The following RNF216 variants were observed in gnomAD, a reference collection of about 807,000 sequenced individuals.
RNF216 encodes the protein ring finger protein 216.
In RNF216, 72 loss-of-function variants were observed where a neutral mutation model predicts 110.8. The observed-to-expected ratio is 0.65, with a 90% CI of 0.54 to 0.79. The LOEUF (loss-of-function observed/expected upper bound fraction) is 0.79. Ranked by LOEUF, RNF216 falls within the 30% of genes least tolerant of loss-of-function variation. RNF216 has a pLI of 0.00. For missense variants in RNF216, 1,342 were observed against 1,141.2 expected (o/e 1.18, Z -2.54); for synonymous variants, 495 against 407.5 (o/e 1.21, Z -2.59).
intron 2 of RNF216, among the ~76,000 whole-genome samples, chr7:5,758,100 T>TC (rs1165715135): frequency 2.0e-5 from 3 of 152,150 alleles, no homozygotes; most frequent in Admixed American, 6.6e-5. Context: ...ACAAAATATA[T>TC]CTCCAAAGTC....
chr7:5,666,248 C>T lies in RNF216; in HGVS notation c.2062-13738G>A, dbSNP rs112902264. On this transcript the variant is annotated intron_variant, in intron 13 of 16. Transcript: ENST00000389902. ...GGTCCTGCTCTGCAGTGGGGACACACATTAAGTGTAATATACAGTTAAGAC... is the reference window on the plus strand; with the variant it reads ...GGTCCTGCTCTGCAGTGGGGACACATATTAAGTGTAATATACAGTTAAGAC... 5.9e-3 allele frequency among the ~76,000 whole-genome samples: 887 copies of T among 151,286 alleles called. 14 individuals are homozygous for T. Among genetic ancestry groups the T allele is most frequent in the African/African-American group, 0.02 (841 of 41,196 alleles).
intron 13 of RNF216, among the ~76,000 whole-genome samples, chr7:5,667,647 G>A (rs764138474): frequency 2.0e-5 from 3 of 152,190 alleles, no homozygotes; most frequent in Non-Finnish European, 4.4e-5. Flanking sequence ...CTCACTGCTT[G>A]GGCTACCTCT....
In RNF216 at chr7:5,738,087, C is replaced by CAAAAA. The variant is rs200643372; in HGVS notation, c.1121+1184_1121+1188dup. 5.6e-3 allele frequency among the ~76,000 whole-genome samples: 618 copies of CAAAAA among 110,794 alleles called. 9 individuals are homozygous for CAAAAA. Among genetic ancestry groups the CAAAAA allele is most frequent in the African/African-American group, 0.019 (490 of 25,132 alleles). The allele number at this position is 110,794 out of a possible 152,430, so 72.7% of individuals were successfully genotyped here. On this transcript the variant is annotated intron_variant, in intron 5 of 16. Coordinates refer to ENST00000389902, the MANE Select transcript of RNF216 (RefSeq NM_207111.4). ...CTGGGCAACAGAATAAGACTGTCTCCAAAAAAAAAAAAAAAAAAAAAAAAA... is the reference window on the plus strand; with the variant it reads ...CTGGGCAACAGAATAAGACTGTCTCCAAAAAAAAAAAAAAAAAAAAAAAAAAAAAA...
chr7:5,775,745 T>C (rs540283217), intron 1 of RNF216, among the ~76,000 whole-genome samples: 23 of 152,036 alleles, frequency 1.5e-4, no homozygotes, highest in Non-Finnish European at 2.8e-4. Flanking sequence ...TGCAGGCACC[T>C]GTAGTCCCAG....
intron 13 of RNF216, among the ~76,000 whole-genome samples, chr7:5,684,456 T>A (rs2128607908): frequency 6.6e-6 from 1 of 152,228 alleles, no homozygotes; most frequent in Admixed American, 6.5e-5. Context: ...CAAATGCTGA[T>A]CTTTAGGCTC....
chr7:5,672,401 T>C (rs1299383672), intron 13 of RNF216, among the ~76,000 whole-genome samples: 2 of 152,210 alleles, frequency 1.3e-5, no homozygotes, highest in East Asian at 1.9e-4. Context: ...TGGAGAGTTA[T>C]GTTTGTTAAA....
chr7:5,747,370 A>G (rs1795081997), intron 3 of RNF216, among the ~76,000 whole-genome samples: 1 of 152,208 alleles, frequency 6.6e-6, no homozygotes, highest in African/African-American at 2.4e-5. Flanking sequence ...GTAAAAACGG[A>G]TAAAAGCAGC....
chr7:5,649,366 C>CG (rs1181927524), intron 14 of RNF216, among the ~76,000 whole-genome samples: 1 of 144,202 alleles, frequency 6.9e-6, no homozygotes, highest in African/African-American at 2.7e-5. Context: ...AGGTGACAGA[C>CG]GGAGACTCCG....
At chr7:5,707,719 T>TGG (rs201103418) in intron 13 of RNF216, among the ~76,000 whole-genome samples, 1 of 41,660 alleles carries the variant, frequency 2.4e-5, no homozygotes, top group African/African-American at 1.5e-4. Context: ...GTGTGTGTGG[T>TGG]TTTTTTTTTT....
chr7:5,652,310 C>G (rs1788441985), intron 14 of RNF216, 103 bp downstream of exon 14: 3 of 821,656 alleles, frequency 3.7e-6, no homozygotes, highest in African/African-American at 1.7e-5. Flanking sequence ...ACTGGGGTGG[C>G]TCAAGCGTGT....
intron 9 of RNF216, among the ~76,000 whole-genome samples, chr7:5,717,020 C>T (rs1365695563): frequency 6.6e-6 from 1 of 152,120 alleles, no homozygotes; most frequent in African/African-American, 2.4e-5. Flanking sequence ...ACACTTTGAA[C>T]AGCAAAGAAT....
intron 1 of RNF216, among the ~76,000 whole-genome samples, chr7:5,765,068 TAA>T (rs528737623): frequency 7.0e-5 from 9 of 128,488 alleles, no homozygotes; most frequent in African/African-American, 8.8e-5. Flanking sequence ...AAGACTCTCT[TAA>T]AAAAAAAAAA....
At chr7:5,763,746 A>G (rs571061777) in intron 1 of RNF216, among the ~76,000 whole-genome samples, 2 of 152,092 alleles carry the variant, frequency 1.3e-5, no homozygotes, top group African/African-American at 2.4e-5. Flanking sequence ...AATTTTTAAA[A>G]TTTTTTTGTA....
intron 4 of RNF216, among the ~76,000 whole-genome samples, chr7:5,739,908 C>T (rs1794656871): frequency 6.6e-6 from 1 of 151,102 alleles, no homozygotes; most frequent in Admixed American, 6.6e-5. Context: ...GAGGCAGAGA[C>T]AGAAGAATCG....
Position 5,703,726 on chromosome 7 carries a change from C to T in RNF216, c.2061+8035G>A, listed in dbSNP as rs768444972. ...TTGCAGTTTCCACGAAAAGACTACA[C>T]CAGATGTTCTTCAGTTACTCTGATT... is the stretch of plus-strand genomic sequence containing the variant. On this transcript the variant is annotated intron_variant, in intron 13 of 16. Coordinates refer to ENST00000389902, the MANE Select transcript of RNF216 (RefSeq NM_207111.4). Among the ~76,000 whole-genome samples, 150 of 152,332 alleles carry T rather than the reference C, an allele frequency of 9.8e-4. 1 individual carries two copies. The highest frequency in any genetic ancestry group is 5.0e-3 in the Admixed American group (76 of 15,308).
chr7:5,675,081 A>C (rs1790192535), intron 13 of RNF216, among the ~76,000 whole-genome samples: 1 of 152,222 alleles, frequency 6.6e-6, no homozygotes, highest in African/African-American at 2.4e-5. Context: ...CTTCATATGT[A>C]ACTAAAGCAG....
At chr7:5,767,646 G>A (rs536579088) in intron 1 of RNF216, among the ~76,000 whole-genome samples, 1 of 151,272 alleles carries the variant, frequency 6.6e-6, no homozygotes, top group African/African-American at 2.4e-5. Context: ...TGCCACCCAG[G>A]CTGAAGTAAT....
chr7:5,667,172 G>A (rs1232186175), intron 13 of RNF216, among the ~76,000 whole-genome samples: 1 of 152,172 alleles, frequency 6.6e-6, no homozygotes, highest in East Asian at 1.9e-4. Context: ...AGTAGATTAT[G>A]ACTAGTGGAT....
intron 14 of RNF216, among the ~76,000 whole-genome samples, chr7:5,644,202 G>C (rs1450198136): frequency 6.6e-6 from 1 of 152,146 alleles, no homozygotes; most frequent in African/African-American, 2.4e-5. Flanking sequence ...GAGTACCTGA[G>C]AGCGGAACTG....
Sources: gnomAD v4.1 joint callset for allele counts (sites outside exome capture counted in the v4.1 genomes callset) on GRCh38, gnomAD v4.1.1 for gene constraint, MANE v1.5 for transcripts, NCBI Gene and HGNC (gene_info 2026-07-23, HGNC 2026-07-21) for gene names.